The following KCNIP1 variants were observed in gnomAD, a reference collection of about 807,000 sequenced individuals.
KCNIP1 encodes potassium voltage-gated channel interacting protein 1.
In KCNIP1, 18 loss-of-function variants were observed where a neutral mutation model predicts 33.0. The observed-to-expected ratio is 0.55, with a 90% CI of 0.38 to 0.81. The LOEUF (loss-of-function observed/expected upper bound fraction) is 0.81. KCNIP1 is among the 30% of genes least tolerant of loss of function. The pLI is 0.00. For synonymous variants in KCNIP1, 93 were observed against 98.3 expected (o/e 0.95, Z 0.32); for missense variants, 238 against 271.6 (o/e 0.88, Z 0.87).
rs891636274 is a variant in KCNIP1, at chr5:170,545,858, T to C, written c.61+41225T>C. ...ATCTGTTTTTATTGTTAGCTTTCTT[T>C]TTCTCTTTGCTTTGCTTCTTTTCTT... On this transcript the variant is annotated intron_variant, in intron 1 of 7. Coordinates refer to ENST00000328939, the MANE Select transcript of KCNIP1 (RefSeq NM_014592.4). Among the ~76,000 whole-genome samples, 19 of 152,358 alleles carry C rather than the reference T, an allele frequency of 1.2e-4. No individual in the cohort carries two copies. In the South Asian group the frequency reaches 1.4e-3, roughly 12 times the overall value.
chr5:170,556,346 G>A (rs1335112221), intron 1 of KCNIP1, among the ~76,000 whole-genome samples: 1 of 152,262 alleles, frequency 6.6e-6, no homozygotes, highest in African/African-American at 2.4e-5. Flanking sequence ...TGCAAGAAAT[G>A]ATTTGAGGGT....
chr5:170,712,135 G>T (rs1436192311), intron 1 of KCNIP1, among the ~76,000 whole-genome samples: 1 of 152,204 alleles, frequency 6.6e-6, no homozygotes, highest in Non-Finnish European at 1.5e-5. Flanking sequence ...CTGTGCCATG[G>T]ATAATTTTCC....
intron 1 of KCNIP1, among the ~76,000 whole-genome samples, chr5:170,536,141 A>T (rs981892858): frequency 1.3e-5 from 2 of 152,252 alleles, no homozygotes; most frequent in South Asian, 4.1e-4. Context: ...AATGGAGATG[A>T]CGAAACCCAG....
intron 1 of KCNIP1, among the ~76,000 whole-genome samples, chr5:170,598,588 G>A (rs4867990): frequency 0.28 from 42,316 of 152,094 alleles, 6,169 homozygotes; most frequent in Middle Eastern, 0.33. Context: ...GGGTGGACTC[G>A]AGTCCTAGAG....
At chr5:170,693,142 T>C (rs923930502) in intron 1 of KCNIP1, among the ~76,000 whole-genome samples, 1 of 152,206 alleles carries the variant, frequency 6.6e-6, no homozygotes, top group African/African-American at 2.4e-5. Flanking sequence ...ATTGGGGATG[T>C]GGTCTGGGAA....
chr5:170,655,888 C>T (rs142817040), intron 1 of KCNIP1, among the ~76,000 whole-genome samples: 41 of 152,286 alleles, frequency 2.7e-4, no homozygotes, highest in African/African-American at 4.8e-4. Context: ...TTCGGCCACC[C>T]GGCAAGAAAT....
At chr5:170,390,539 T>TATATATATATATATATATATATATATATA (rs1581143220) in intron 1 of KCNIP1, among the ~76,000 whole-genome samples, 17 of 133,712 alleles carry the variant, frequency 1.3e-4, no homozygotes, top group African/African-American at 3.0e-4. Flanking sequence ...TATATATATA[T>TATATATATATATATATATATATATATATA]TTTCAACAAA....
chr5:170,634,099 C>T (rs556518077), intron 1 of KCNIP1, among the ~76,000 whole-genome samples: 3 of 151,874 alleles, frequency 2.0e-5, no homozygotes, highest in African/African-American at 4.8e-5. Flanking sequence ...ACAGAGACTC[C>T]GGAATGACTG....
At chr5:170,535,352 A>C (rs1468207134) in intron 1 of KCNIP1, among the ~76,000 whole-genome samples, 1 of 152,174 alleles carries the variant, frequency 6.6e-6, no homozygotes, top group Non-Finnish European at 1.5e-5. Context: ...AGCCTTCTTT[A>C]ATGTCAATAC....
intron 1 of KCNIP1, among the ~76,000 whole-genome samples, chr5:170,390,538 A>ATATATATATATATATATATATATATATT (rs1554088948): frequency 1.5e-5 from 2 of 131,216 alleles, no homozygotes; most frequent in Non-Finnish European, 3.2e-5. Flanking sequence ...ATATATATAT[A>ATATATATATATATATATATATATATATT]TTTTCAACAA....
At chr5:170,411,092 C>G (rs1470923571) in intron 1 of KCNIP1, among the ~76,000 whole-genome samples, 1 of 152,246 alleles carries the variant, frequency 6.6e-6, no homozygotes, top group Middle Eastern at 3.2e-3. Flanking sequence ...ACAGAGCCAG[C>G]TCTATGTTGC....
Position 170,735,727 on chromosome 5 carries a change from G to A in KCNIP1, c.604-32G>A, listed in dbSNP as rs766744346. 5.6e-6 allele frequency: 9 copies of A among 1,605,174 alleles called. No homozygotes were observed. The South Asian group carries it at 7.7e-5, about 14-fold the overall frequency. On this transcript the variant is annotated intron_variant, in intron 7 of 7. Coordinates refer to ENST00000328939, the MANE Select transcript of KCNIP1 (RefSeq NM_014592.4). ...AGAGCTCTCAGGGAGGAGACTCAGA[G>A]TTCTAACCCTCTTGCCCTCCTTTTT...
At chr5:170,662,479 C>T (rs1297614370) in intron 1 of KCNIP1, among the ~76,000 whole-genome samples, 2 of 152,220 alleles carry the variant, frequency 1.3e-5, no homozygotes, top group African/African-American at 4.8e-5. Context: ...GCTCATCCTT[C>T]TCCAGGAGAT....
At chr5:170,719,149 G>A (rs1363094125) in intron 2 of KCNIP1, among the ~76,000 whole-genome samples, 1 of 152,136 alleles carries the variant, frequency 6.6e-6, no homozygotes, top group Non-Finnish European at 1.5e-5. Flanking sequence ...CCCTGGCCCA[G>A]GGTCAAGCCT....
intron 1 of KCNIP1, among the ~76,000 whole-genome samples, chr5:170,398,275 G>A (rs529407003): frequency 5.3e-5 from 8 of 152,268 alleles, no homozygotes; most frequent in East Asian, 1.9e-4. Context: ...TTTGGTTTAC[G>A]AATGTTTGCA....
At chr5:170,714,216 C>G (rs1424753084) in intron 1 of KCNIP1, among the ~76,000 whole-genome samples, 1 of 152,154 alleles carries the variant, frequency 6.6e-6, no homozygotes, top group African/African-American at 2.4e-5. Flanking sequence ...CTAACTGGTA[C>G]ACAAGCACAC....
intron 1 of KCNIP1, among the ~76,000 whole-genome samples, chr5:170,582,322 G>A (rs1394867729): frequency 6.6e-6 from 1 of 152,208 alleles, no homozygotes; most frequent in African/African-American, 2.4e-5. Context: ...TCCTGAGCAG[G>A]TGTTTCTCTG....
rs562502503 is a variant in KCNIP1, at chr5:170,653,616, T to G, written c.62-65142T>G. ...TTCTCAGAGGCATACTAATGGAGGA[T>G]GGCAAGAGGGCCTCACGTGGAACCA... On this transcript the variant is annotated intron_variant, in intron 1 of 7. Coordinates refer to ENST00000328939, the MANE Select transcript of KCNIP1 (RefSeq NM_014592.4). Among the ~76,000 whole-genome samples, 58 of 152,180 alleles carry G rather than the reference T, an allele frequency of 3.8e-4. No individual in the cohort carries two copies. In the South Asian group the frequency reaches 5.0e-3, roughly 13 times the overall value.
chr5:170,720,342 A>G lies in KCNIP1; in HGVS notation c.208A>G (p.Asn70Asp), dbSNP rs768322216. The change falls in exon 3 of 8, where the codon AAC becomes GAC. Residue 70 changes from asparagine (N) to aspartate (D), a missense_variant. Asn to Asp is a conservative substitution (Grantham distance 23, BLOSUM62 1). Transcript: ENST00000328939. Reference sequence around the variant, plus strand: ...ACAGGAGTGCCCCAGTGGTGTGGTCAACGAAGACACATTCAAGCAGATCTA... The same window carrying G: ...ACAGGAGTGCCCCAGTGGTGTGGTCGACGAAGACACATTCAAGCAGATCTA... ...FKNECPSGVV[N>D]EDTFKQIYAQ... The G allele has an allele frequency of 6.2e-7, 1 of 1,614,120 alleles. No individual in the cohort carries two copies. Among genetic ancestry groups the G allele is most frequent in the Non-Finnish European group, 8.5e-7 (1 of 1,179,974 alleles).
Sources: allele counts gnomAD v4.1 joint callset (sites outside exome capture counted in the v4.1 genomes callset), GRCh38; gene constraint gnomAD v4.1.1; transcripts MANE v1.5; gene names NCBI Gene and HGNC (gene_info 2026-07-23, HGNC 2026-07-21).